The following CNTNAP4 variants were observed in gnomAD, a reference collection of about 807,000 sequenced individuals.
CNTNAP4 encodes contactin associated protein family member 4.
A neutral mutation model predicts 148.4 loss-of-function variants in CNTNAP4; 98 were observed. The observed-to-expected ratio is 0.66, with a 90% CI of 0.56 to 0.78. The LOEUF is 0.78. Among genes scored for constraint, CNTNAP4 ranks in the 30% least tolerant of loss-of-function variants. The pLI is 0.00. For missense variants in CNTNAP4, 1,935 were observed against 1,565.6 expected (o/e 1.24, Z -3.98); for synonymous variants, 730 against 565.1 (o/e 1.29, Z -4.14).
chr16:76,452,436 C>T (rs1436908434), intron 7 of CNTNAP4, 72 bp from the exon 8 acceptor site: 20 of 1,483,288 alleles, frequency 1.3e-5, no homozygotes, highest in Non-Finnish European at 1.8e-5. Context: ...GATTGAAAAG[C>T]AGCCTTCAAA....
chr16:76,402,238 A>G (rs1167133484), intron 3 of CNTNAP4, among the ~76,000 whole-genome samples: 2 of 152,004 alleles, frequency 1.3e-5, no homozygotes, highest in African/African-American at 4.8e-5. Flanking sequence ...TGTTCAGGGA[A>G]TCAATTTCTT....
intron 4 of CNTNAP4, among the ~76,000 whole-genome samples, chr16:76,445,490 C>A (rs146493420): frequency 6.6e-6 from 1 of 152,078 alleles, no homozygotes; most frequent in Middle Eastern, 3.4e-3. Context: ...TGTCGTGTAC[C>A]TGTGAAGCAA....
chr16:76,427,739 T>G, intron 4 of CNTNAP4, 140 bp downstream of exon 4: 7 of 705,526 alleles, frequency 9.9e-6, no homozygotes, highest in East Asian at 2.8e-5. Context: ...AGCTTTTTTG[T>G]GCATGCCTGT....
intron 3 of CNTNAP4, among the ~76,000 whole-genome samples, chr16:76,399,302 A>G (rs2078321316): frequency 6.6e-6 from 1 of 152,212 alleles, no homozygotes; most frequent in Admixed American, 6.5e-5. Context: ...ATGAAGAAAA[A>G]TTAAGTACCT....
chr16:76,375,097 A>G (rs1263808909), intron 3 of CNTNAP4, among the ~76,000 whole-genome samples: 2 of 152,044 alleles, frequency 1.3e-5, no homozygotes, highest in African/African-American at 2.4e-5. Flanking sequence ...AGAAATTTTC[A>G]CCAAGAAGAA....
chr16:76,295,544 G>C (rs1156366526), intron 1 of CNTNAP4, among the ~76,000 whole-genome samples: 1 of 151,998 alleles, frequency 6.6e-6, no homozygotes, highest in Admixed American at 6.6e-5. Context: ...TATTAAGCTG[G>C]TGAACTAACT....
At chr16:76,380,517 A>G (rs2015861914) in intron 3 of CNTNAP4, among the ~76,000 whole-genome samples, 1 of 151,950 alleles carries the variant, frequency 6.6e-6, no homozygotes, top group South Asian at 2.1e-4. Context: ...TTTTTTCTGC[A>G]TTTTTCCCCA....
chr16:76,371,193 C>G (rs984263006), intron 3 of CNTNAP4, among the ~76,000 whole-genome samples: 5 of 152,222 alleles, frequency 3.3e-5, no homozygotes, highest in African/African-American at 1.2e-4. Context: ...TACAGATGAT[C>G]AAACATCAAA....
At chr16:76,405,866 A>G (rs918798276) in intron 3 of CNTNAP4, among the ~76,000 whole-genome samples, 1 of 151,934 alleles carries the variant, frequency 6.6e-6, no homozygotes, top group Admixed American at 6.6e-5. Context: ...TGATAATTTT[A>G]TGAAACATAA....
chr16:76,489,902 C>CT lies in CNTNAP4; in HGVS notation c.2080+20dup. ...AAGCAAGGTAAGTAAACCATGGTGT[C>CT]TGTCTTGTTGCACACATCACATCAT... On this transcript the variant is annotated intron_variant, in intron 13 of 23. Coordinates refer to ENST00000611870, the MANE Select transcript of CNTNAP4 (RefSeq NM_033401.5). The CT allele has an allele frequency of 2.0e-6, 3 of 1,478,186 alleles. No homozygotes were observed. The South Asian group carries it at 4.2e-5, about 20-fold the overall frequency. 91.6% of individuals were successfully genotyped at this position (1,478,186 alleles called of 1,614,324 possible). A position where few individuals can be genotyped will look rare whatever the true frequency, so the allele number is the denominator to read the frequency against.
At chr16:76,305,353 G>T (rs1037998240) in intron 1 of CNTNAP4, among the ~76,000 whole-genome samples, 2 of 152,084 alleles carry the variant, frequency 1.3e-5, no homozygotes, top group African/African-American at 4.8e-5. Flanking sequence ...CTAGATCGTA[G>T]ATTGATTGAT....
At chr16:76,295,628 G>C (rs9922380) in intron 1 of CNTNAP4, among the ~76,000 whole-genome samples, 3,776 of 152,204 alleles carry the variant, frequency 0.025, 162 homozygotes, top group African/African-American at 0.085. Context: ...CAACAACAGA[G>C]TTGTTCCACA....
intron 12 of CNTNAP4, among the ~76,000 whole-genome samples, chr16:76,485,780 A>G (rs760351512): frequency 1.2e-4 from 18 of 152,194 alleles, no homozygotes; most frequent in Non-Finnish European, 2.1e-4. Context: ...AGAGATTTCA[A>G]TAATAAAGGC....
chr16:76,366,880 A>C (rs575625114), intron 3 of CNTNAP4, among the ~76,000 whole-genome samples: 1 of 152,306 alleles, frequency 6.6e-6, no homozygotes, highest in Non-Finnish European at 1.5e-5. Flanking sequence ...GCAAGGATGT[A>C]TCTGCTTTTG....
intron 14 of CNTNAP4, among the ~76,000 whole-genome samples, chr16:76,498,074 T>G (rs1293402544): frequency 6.6e-6 from 1 of 152,162 alleles, no homozygotes; most frequent in Non-Finnish European, 1.5e-5. Flanking sequence ...TATTACATAT[T>G]TTCTACAAGA....
chr16:76,436,961 A>ATATCTATCTATCTATC (rs780750972), intron 4 of CNTNAP4, among the ~76,000 whole-genome samples: 23,165 of 140,140 alleles, frequency 0.17, 1,960 homozygotes, highest in Middle Eastern at 0.2. Context: ...CTAATACAGA[A>ATATCTATCTATCTATC]TATCTATCTA....
intron 2 of CNTNAP4, among the ~76,000 whole-genome samples, chr16:76,316,792 C>A (rs536539060): frequency 1.3e-5 from 2 of 152,192 alleles, no homozygotes; most frequent in East Asian, 3.9e-4. Context: ...ATATACAATC[C>A]TTATGGACAC....
chr16:76,412,668 TAC>T (rs1491372661), intron 3 of CNTNAP4, among the ~76,000 whole-genome samples: 6 of 123,790 alleles, frequency 4.8e-5, no homozygotes, highest in Non-Finnish European at 9.7e-5. Context: ...GGCATTTAAA[TAC>T]TTTTTTCTCT....
intron 17 of CNTNAP4, among the ~76,000 whole-genome samples, chr16:76,527,534 G>C (rs2083794523): frequency 6.6e-6 from 1 of 152,024 alleles, no homozygotes; most frequent in Non-Finnish European, 1.5e-5. Context: ...TCTGGATATG[G>C]GGCAAATGAA....
Sources: gnomAD v4.1 joint callset for allele counts (sites outside exome capture counted in the v4.1 genomes callset) on GRCh38, gnomAD v4.1.1 for gene constraint, MANE v1.5 for transcripts, NCBI Gene and HGNC (gene_info 2026-07-23, HGNC 2026-07-21) for gene names.